FAM210A: variants seen among roughly 807,000 people sequenced by gnomAD.
FAM210A encodes the protein family with sequence similarity 210 member A.
FAM210A carries 13 observed loss-of-function variants against 25.3 expected under a neutral mutation model. The ratio of observed to expected loss-of-function variants is 0.51; its 90% CI spans 0.33 to 0.82. The LOEUF (loss-of-function observed/expected upper bound fraction) is 0.82, where lower values mean the gene tolerates loss of function less well. FAM210A is among the 40% of genes least tolerant of loss of function. The pLI is 0.02. For synonymous variants in FAM210A, 125 were observed against 118.7 expected, an observed-to-expected ratio of 1.05 and a Z score of -0.35; for missense variants, 319 against 323.2, an observed-to-expected ratio of 0.99 and a Z score of 0.10.
At position 13,665,640 on chromosome 18, in the gene FAM210A, T is replaced by C. The variant is rs2149049366; in HGVS notation, c.*840A>G. 1 of 151,928 alleles carries C rather than the reference T, an allele frequency of 6.6e-6. No homozygotes were observed. 9.4% of individuals were successfully genotyped at this position (151,928 alleles called of 1,614,324 possible). A position where few individuals can be genotyped will look rare whatever the true frequency, so the allele number is the denominator to read the frequency against. ...CAAACCTTTTTCTGCTTGAGAACCATGAGCTTGAGTTACTGCTGACAAATA... is the reference window on the plus strand; with the variant it reads ...CAAACCTTTTTCTGCTTGAGAACCACGAGCTTGAGTTACTGCTGACAAATA... On this transcript the variant is annotated 3_prime_UTR_variant, in exon 4 of 4. Transcript: ENST00000651643.
intron 2 of FAM210A, among the ~76,000 whole-genome samples, chr18:13,680,110 T>C (rs1012359291): frequency 2.6e-5 from 4 of 152,350 alleles, no homozygotes; most frequent in Admixed American, 6.5e-5. Flanking sequence ...GTATTTTTCA[T>C]GTCATCTTTC....
intron 1 of FAM210A, among the ~76,000 whole-genome samples, chr18:13,705,328 A>G (rs757554276): frequency 2.0e-5 from 3 of 152,244 alleles, no homozygotes; most frequent in Non-Finnish European, 4.4e-5. Flanking sequence ...GCATGGACAC[A>G]TGGAGAACCA....
Position 13,681,765 on chromosome 18 carries a change from T to G in FAM210A, c.313A>C (p.Thr105Pro). 1 of 1,614,084 alleles carries G rather than the reference T, an allele frequency of 6.2e-7. No individual in the cohort carries two copies. Among genetic ancestry groups the G allele is most frequent in the Non-Finnish European group, 8.5e-7 (1 of 1,180,008 alleles). Residue 105 changes from threonine (T) to proline (P), a missense_variant, in exon 2 of 4, where the codon ACT (threonine) becomes CCT (proline). Physicochemically the swap from Thr to Pro is conservative, Grantham distance 38 (BLOSUM62 -1). Coordinates refer to ENST00000651643, the MANE Select transcript of FAM210A (RefSeq NM_152352.4). The part of the protein sequence containing the change: ...VFSSSATAQG[T>P]PEKKEEPDPL... ...TCAGGCTCTTCCTTTTTTTCCGGAG[T>G]TCCCTGAGCTGTGGCACTGGATGAA...
chr18:13,722,738 T>A (rs1369670622), intron 1 of FAM210A, among the ~76,000 whole-genome samples: 1 of 152,216 alleles, frequency 6.6e-6, no homozygotes, highest in Non-Finnish European at 1.5e-5. Context: ...CTCAGCTCTG[T>A]AGCTACAAGA....
intron 1 of FAM210A, among the ~76,000 whole-genome samples, chr18:13,722,282 C>T (rs2043903235): frequency 6.6e-6 from 1 of 151,378 alleles, no homozygotes; most frequent in Non-Finnish European, 1.5e-5. Flanking sequence ...CTTTGGTGAT[C>T]ACATAGCCCC....
chr18:13,722,400 T>C (rs2043904259), intron 1 of FAM210A, among the ~76,000 whole-genome samples: 1 of 151,648 alleles, frequency 6.6e-6, no homozygotes, highest in Non-Finnish European at 1.5e-5. Flanking sequence ...CCAGAGCTCT[T>C]CACGGATTCC....
At chr18:13,699,116 C>G (rs2043718771) in intron 1 of FAM210A, among the ~76,000 whole-genome samples, 1 of 152,178 alleles carries the variant, frequency 6.6e-6, no homozygotes, top group Non-Finnish European at 1.5e-5. Flanking sequence ...CAATCTCTTT[C>G]TTAATCATAC....
At chr18:13,683,294 C>A (rs73414570) in intron 1 of FAM210A, among the ~76,000 whole-genome samples, 24,197 of 152,094 alleles carry the variant, frequency 0.16, 2,081 homozygotes, top group African/African-American at 0.19. Context: ...TATTGAATGG[C>A]GAGAAGAATT....
At chr18:13,717,706 C>A (rs1381564130) in intron 1 of FAM210A, among the ~76,000 whole-genome samples, 1 of 152,112 alleles carries the variant, frequency 6.6e-6, no homozygotes, top group African/African-American at 2.4e-5. Context: ...CATTTGGTAA[C>A]ATAAAGGTTA....
intron 2 of FAM210A, among the ~76,000 whole-genome samples, chr18:13,672,470 G>A (rs1000631385): frequency 1.3e-5 from 2 of 152,116 alleles, no homozygotes; most frequent in Non-Finnish European, 1.5e-5. Flanking sequence ...GTGCAGTGGC[G>A]CAATCTTGGC....
intron 1 of FAM210A, chr18:13,710,152 G>A (rs1024779767): frequency 5.3e-5 from 8 of 152,066 alleles, no homozygotes; most frequent in African/African-American, 1.9e-4. Flanking sequence ...TATGGGAAGG[G>A]CCTAAATTCT....
intron 1 of FAM210A, among the ~76,000 whole-genome samples, chr18:13,695,337 C>T (rs1314550382): frequency 2.0e-5 from 3 of 152,130 alleles, no homozygotes; most frequent in Admixed American, 6.5e-5. Flanking sequence ...CTATAAATAC[C>T]ATTTGACCCA....
intron 1 of FAM210A, chr18:13,688,004 T>A (rs2043611028): frequency 6.6e-6 from 1 of 152,190 alleles, no homozygotes; most frequent in African/African-American, 2.4e-5. Context: ...TCCATTAGGC[T>A]TTCTTCCCTA....
intron 3 of FAM210A, among the ~76,000 whole-genome samples, chr18:13,667,319 A>C (rs2043408266): frequency 6.6e-6 from 1 of 152,260 alleles, no homozygotes; most frequent in Admixed American, 6.5e-5. Context: ...TGCTGCAGAC[A>C]TGCACAGGTT....
rs369092627 is a variant in FAM210A, at chr18:13,678,966, CT to C, written c.473+2638del. Among the ~76,000 whole-genome samples the C allele has an allele frequency of 2.6e-5, 4 of 152,362 alleles. No homozygotes were observed. The South Asian group carries it at 6.2e-4, about 24-fold the overall frequency. On this transcript the variant is annotated intron_variant, in intron 2 of 3. Coordinates refer to ENST00000651643, the MANE Select transcript of FAM210A (RefSeq NM_152352.4). ...AGCCACACTTGATCAAACTAAAGCA[CT>C]TCTGGACATAAGACACCAGATCTCT...
intron 3 of FAM210A, among the ~76,000 whole-genome samples, chr18:13,671,258 A>G (rs904799876): frequency 6.6e-6 from 1 of 152,108 alleles, no homozygotes; most frequent in African/African-American, 2.4e-5. Flanking sequence ...CTTCTTGCCT[A>G]TTAAACTCTC....
intron 2 of FAM210A, among the ~76,000 whole-genome samples, chr18:13,676,958 A>T (rs938851445): frequency 3.9e-5 from 6 of 152,176 alleles, no homozygotes; most frequent in Non-Finnish European, 7.4e-5. Flanking sequence ...CTGCAGACAA[A>T]ACCCCGCAGA....
At chr18:13,692,860 T>C (rs1162390784) in intron 1 of FAM210A, among the ~76,000 whole-genome samples, 1 of 151,964 alleles carries the variant, frequency 6.6e-6, no homozygotes, top group African/African-American at 2.4e-5. Context: ...AGCAAACACA[T>C]TCAAAAGCTA....
chr18:13,679,549 G>A (rs1279881308), intron 2 of FAM210A, among the ~76,000 whole-genome samples: 1 of 152,126 alleles, frequency 6.6e-6, no homozygotes, highest in African/African-American at 2.4e-5. Flanking sequence ...AAAACCCCAA[G>A]GAGGACTGTT....
Sources: gnomAD v4.1 joint callset for allele counts (sites outside exome capture counted in the v4.1 genomes callset) on GRCh38, gnomAD v4.1.1 for gene constraint, MANE v1.5 for transcripts, NCBI Gene and HGNC (gene_info 2026-07-23, HGNC 2026-07-21) for gene names.